Variants in MYH8 observed in about 807,000 individuals in gnomAD.
The protein encoded by MYH8 is myosin-8.
MYH8 carries 168 observed loss-of-function variants against 233.2 expected under a neutral mutation model. That is an observed-to-expected ratio of 0.72 (90% CI 0.64 to 0.82). MYH8 has a LOEUF of 0.82. Among genes scored for constraint, MYH8 ranks in the 40% least tolerant of loss-of-function variants. The pLI, the probability that MYH8 is intolerant of heterozygous loss-of-function variation, is 0.00. For missense variants in MYH8, 1,995 were observed against 2,327.8 expected, an observed-to-expected ratio of 0.86 and a Z score of 2.94; for synonymous variants, 785 against 850.6, an observed-to-expected ratio of 0.92 and a Z score of 1.34.
Position 10,401,283 on chromosome 17 carries a change from C to T in MYH8, c.3100G>A (p.Val1034Met). 6.2e-7 allele frequency: 1 copy of T among 1,614,170 alleles called. No individual in the cohort carries two copies. Among genetic ancestry groups the T allele is most frequent in the South Asian group, 1.1e-5 (1 of 91,086 alleles). The change falls in exon 24 of 40, where the codon GTG becomes ATG. Residue 1034 changes from valine to methionine, a missense_variant. Physicochemically the swap from Val to Met is conservative, Grantham distance 21. Transcript: ENST00000403437. ...ATTTAAAATGTGCTTACATCATCCACTTGCTGTTCTAGCTTGGTTTTAGCT... is the reference window on the plus strand; with the variant it reads ...ATTTAAAATGTGCTTACATCATCCATTTGCTGTTCTAGCTTGGTTTTAGCT... ...TKAKTKLEQQ[V>M]DDLEGSLEQE...
At position 10,394,415 on chromosome 17, in the gene MYH8, T is replaced by G. The variant is rs1247748406; in HGVS notation, c.5000A>C (p.Gln1667Pro). ...TGCCAGCTGTTCCTTGAGGTCCTCCTGGCCCCGGAGAGCATCATCCAGGTG... is the reference window on the plus strand; with the variant it reads ...TGCCAGCTGTTCCTTGAGGTCCTCCGGGCCCCGGAGAGCATCATCCAGGTG... ...QLHLDDALRG[Q>P]EDLKEQLAIV... is the part of the protein sequence containing the mutation. Residue 1667 changes from glutamine (Q) to proline (P), a missense_variant, in exon 35 of 40, where the codon CAG becomes CCG. Gln to Pro is a moderately conservative substitution (Grantham distance 76, BLOSUM62 -1). Transcript: ENST00000403437. The G allele has an allele frequency of 6.2e-7, 1 of 1,614,222 alleles. No individual in the cohort carries two copies. The highest frequency in any genetic ancestry group is 1.1e-5 in the South Asian group (1 of 91,084).
At chr17:10,416,021 T>C (rs1198097540) in intron 5 of MYH8, among the ~76,000 whole-genome samples, 1 of 152,176 alleles carries the variant, frequency 6.6e-6, no homozygotes, top group Non-Finnish European at 1.5e-5. Flanking sequence ...ATTCATAAAG[T>C]TGTAAAATCA....
chr17:10,408,077 A>G (rs1038328896), intron 17 of MYH8, among the ~76,000 whole-genome samples: 8 of 151,362 alleles, frequency 5.3e-5, no homozygotes, highest in African/African-American at 1.9e-4. Context: ...AGTAGCTGGG[A>G]CTATAGGCGT....
At position 10,415,525 on chromosome 17, in the gene MYH8, C is replaced by T. The variant is rs1365595563; in HGVS notation, c.595G>A (p.Ala199Thr). 1 of 1,614,212 alleles carries T rather than the reference C, an allele frequency of 6.2e-7. No homozygotes were observed. The highest frequency in any genetic ancestry group is 1.1e-5 in the South Asian group (1 of 91,078). ...VNTKRVIQYF[A>T]TIAVTGEKKK... ...TTCTCTCCAGTAACTGCAATTGTTG[C>T]AAAGTATTGGATGACACGCTTGGTG... Residue 199 changes from alanine to threonine, a missense_variant, in exon 7 of 40, where the codon GCA (alanine) becomes ACA (threonine). Physicochemically the swap from Ala to Thr is moderately conservative, Grantham distance 58. Coordinates refer to ENST00000403437, the MANE Select transcript of MYH8 (RefSeq NM_002472.3). This position sits in a 1 kb window ranked among gnomAD's most constrained non-coding sequence, Gnocchi z 4.1.
rs201762304 is a variant in MYH8, at chr17:10,394,235, T to C, written c.5166+14A>G. 3.0e-5 allele frequency: 49 copies of C among 1,613,914 alleles called. 1 individual carries two copies. In the South Asian group the frequency reaches 4.0e-4, roughly 13 times the overall value. ...TACCAGTACACCAGCATTTGTTTGA[T>C]GTGAGGGTCTCACCTGGGTGTGGAG... On this transcript the variant is annotated intron_variant, in intron 35 of 39. Transcript: ENST00000403437.
chr17:10,411,396 A>G (rs1004824315), intron 14 of MYH8, among the ~76,000 whole-genome samples: 3 of 151,062 alleles, frequency 2.0e-5, no homozygotes, highest in African/African-American at 7.3e-5. Context: ...AAAAAAAATC[A>G]TTATTCACGT....
At chr17:10,397,384 G>A (rs1181939405) in intron 30 of MYH8, among the ~76,000 whole-genome samples, 1 of 152,186 alleles carries the variant, frequency 6.6e-6, no homozygotes, top group Non-Finnish European at 1.5e-5. Context: ...GTGAGCCACT[G>A]TGCCTGGCCA....
At chr17:10,398,299 G>T in intron 30 of MYH8, 145 bp downstream of exon 30, 1 of 1,201,520 alleles carries the variant, frequency 8.3e-7, no homozygotes, top group Non-Finnish European at 1.2e-6. Context: ...TAAATAAGCT[G>T]ATATACATGC....
chr17:10,401,045 C>A lies in MYH8; in HGVS notation c.3254+1G>T, dbSNP rs372740784. 3.0e-5 allele frequency: 48 copies of A among 1,614,144 alleles called. No individual in the cohort carries two copies. The South Asian group carries it at 4.5e-4, about 15-fold the overall frequency. On this transcript the variant is annotated splice_donor_variant, in intron 25 of 39. Coordinates refer to ENST00000403437, the MANE Select transcript of MYH8 (RefSeq NM_002472.3). LOFTEE classifies it high-confidence loss of function. Reference sequence around the variant, plus strand: ...GAAGTTTTTTTCTAAAAGGCTCCTACTTTTCAAGCTTTTCATCAAGTTGCT... The same window carrying A: ...GAAGTTTTTTTCTAAAAGGCTCCTAATTTTCAAGCTTTTCATCAAGTTGCT...
intron 5 of MYH8, among the ~76,000 whole-genome samples, chr17:10,416,571 A>G (rs1378888170): frequency 3.3e-5 from 5 of 152,214 alleles, no homozygotes; most frequent in Admixed American, 1.3e-4. Context: ...GATCACTAAC[A>G]GTGTACAAGA....
intron 39 of MYH8, 92 bp from the exon 40 acceptor site, chr17:10,390,695 C>T: frequency 7.1e-7 from 1 of 1,416,434 alleles, no homozygotes; most frequent in Non-Finnish European, 1.0e-6. Flanking sequence ...TCAGGTATTT[C>T]CTTCTTATGG....
At chr17:10,390,997 C>T (rs1475252237) in intron 39 of MYH8, among the ~76,000 whole-genome samples, 1 of 152,192 alleles carries the variant, frequency 6.6e-6, no homozygotes, top group African/African-American at 2.4e-5. Flanking sequence ...CAGAAAGTCT[C>T]CTCTGTTAAT....
In MYH8 at chr17:10,394,134, A is replaced by G. The variant is rs2072057392; in HGVS notation, c.5166+115T>C. On this transcript the variant is annotated intron_variant, in intron 35 of 39. Transcript: ENST00000403437. ...ATAATAGCAATGAGTATTTTTGAGC[A>G]TATCCCCCATCCATGTTTACATACA... 3 of 1,369,226 alleles carry G rather than the reference A, an allele frequency of 2.2e-6. No homozygotes were observed. The Admixed American group carries it at 5.5e-5, about 25-fold the overall frequency. The allele number at this position is 1,369,226 out of a possible 1,614,324, so 84.8% of individuals were successfully genotyped here.
rs928870832 is a variant in MYH8 at position 10,391,761 on chromosome 17, T to A, written c.5664+121A>T. Reference sequence around the variant, plus strand: ...GGACAAATTCATATTTATAAAATCATCCCTCTTAAAATGAGTGGTAGATTT... The same window carrying A: ...GGACAAATTCATATTTATAAAATCAACCCTCTTAAAATGAGTGGTAGATTT... On this transcript the variant is annotated intron_variant, in intron 39 of 39. Transcript: ENST00000403437. 9.6e-5 allele frequency: 75 copies of A among 781,012 alleles called. 1 individual carries two copies. In the South Asian group the frequency reaches 1.0e-3, roughly 11 times the overall value. 48.4% of individuals were successfully genotyped at this position (781,012 alleles called of 1,614,324 possible).
chr17:10,415,346 T>G lies in MYH8; in HGVS notation c.687A>C (p.Leu229=). 1 of 1,614,166 alleles carries G rather than the reference T, an allele frequency of 6.2e-7. No individual in the cohort carries two copies. The highest frequency in any genetic ancestry group is 8.5e-7 in the Non-Finnish European group (1 of 1,179,998). The change falls in exon 8 of 40, where the codon CTA becomes CTC. Residue 229 remains leucine (L), a synonymous_variant. Coordinates refer to ENST00000403437, the MANE Select transcript of MYH8 (RefSeq NM_002472.3). This position sits in a 1 kb window ranked among gnomAD's most constrained non-coding sequence, Gnocchi z 4.1. ...TTTTGGCATTGCCAAAGGCCTCCAG[T>G]AGGGGATTGGCGCTGATGATTTGAT... ...LEDQIISANP[L]LEAFGNAKTV... is the part of the protein sequence containing the mutation.
chr17:10,397,260 TA>T (rs777807385), intron 30 of MYH8, among the ~76,000 whole-genome samples: 6 of 152,154 alleles, frequency 3.9e-5, no homozygotes, highest in African/African-American at 9.6e-5. Flanking sequence ...TATATATGTA[TA>T]TTTTTTTTTA....
chr17:10,400,542 G>A lies in MYH8; in HGVS notation c.3583C>T (p.Leu1195Phe). Reference sequence around the variant, plus strand: ...ATACTGTCTGCGTGCTTCTTCCGAAGAGCAGCCACCATAGCTTCATGCTGC... The same window carrying A: ...ATACTGTCTGCGTGCTTCTTCCGAAAAGCAGCCACCATAGCTTCATGCTGC... ...TLQHEAMVAA[L>F]RKKHADSMAE... The change falls in exon 27 of 40, where the codon CTT becomes TTT. Residue 1195 changes from leucine (L) to phenylalanine (F), a missense_variant. By Grantham distance (22) the Leu-to-Phe change is conservative. Around this residue, in one of 3 missense-constraint regions of MYH8, gnomAD observed 1,498 missense variants for 1,680.9 expected, o/e 0.89. Coordinates refer to ENST00000403437, the MANE Select transcript of MYH8 (RefSeq NM_002472.3). This position sits in a 1 kb window ranked among gnomAD's most constrained non-coding sequence, Gnocchi z 4.0. 1 of 1,614,184 alleles carries A rather than the reference G, an allele frequency of 6.2e-7. No homozygotes were observed. Among genetic ancestry groups the A allele is most frequent in the Non-Finnish European group, 8.5e-7 (1 of 1,180,022 alleles).
chr17:10,406,950 C>T lies in MYH8; in HGVS notation c.1995G>A (p.Leu665=). 6.2e-7 allele frequency: 1 copy of T among 1,614,016 alleles called. No homozygotes were observed. The highest frequency in any genetic ancestry group is 8.5e-7 in the Non-Finnish European group (1 of 1,179,920). ...GTACGAAGTGAGGGTGTGTGCTCCT[C>T]AGATTCGTCATCAATTTATTTAAAT... ...RENLNKLMTN[L]RSTHPHFVRC... Residue 665 remains leucine (L), a synonymous_variant, in exon 18 of 40, where the codon CTG becomes CTA. Coordinates refer to ENST00000403437, the MANE Select transcript of MYH8 (RefSeq NM_002472.3).
chr17:10,418,982 A>G lies in MYH8; in HGVS notation c.259T>C (p.Tyr87His), dbSNP rs1383825542. Residue 87 changes from tyrosine (Y) to histidine (H), a missense_variant, in exon 4 of 40, where the codon TAT (tyrosine) becomes CAT (histidine). By Grantham distance (83) the Tyr-to-His change is moderately conservative (BLOSUM62 2). Coordinates refer to ENST00000403437, the MANE Select transcript of MYH8 (RefSeq NM_002472.3). The part of the protein sequence containing the change: ...DQVFPMNPPK[Y>H]DKIEDMAMMT... ...ATGGCCATGTCCTCAATTTTGTCAT[A>G]TTTCGGAGGGTTCATAGGGAAGACT... 9.9e-6 allele frequency: 16 copies of G among 1,614,000 alleles called. No individual in the cohort carries two copies. The highest frequency in any genetic ancestry group is 1.4e-5 in the Non-Finnish European group (16 of 1,180,022).
Sources: gnomAD v4.1 joint callset for allele counts (sites outside exome capture counted in the v4.1 genomes callset) on GRCh38, gnomAD v4.1.1 for gene constraint, gnomAD v4.1.1 regional missense constraint, Gnocchi (gnomAD v3.1) non-coding constraint, MANE v1.5 for transcripts, NCBI Gene and HGNC (gene_info 2026-07-23, HGNC 2026-07-21) for gene names.